Variants in PCNT observed in about 807,000 individuals in gnomAD.
PCNT encodes kendrin.
In PCNT, 319 loss-of-function variants were observed where a neutral mutation model predicts 380.4. The observed-to-expected ratio is 0.84, with a 90% CI of 0.77 to 0.92. The LOEUF is 0.92. PCNT is among the 40% of genes least tolerant of loss of function. PCNT has a pLI of 0.00. For synonymous variants in PCNT, 1,845 were observed against 1,735.2 expected (o/e 1.06, Z -1.57); for missense variants, 4,400 against 4,255.3 (o/e 1.03, Z -0.95).
intron 10 of PCNT, among the ~76,000 whole-genome samples, chr21:46,353,720 GTGT>G (rs2084363206): frequency 1.3e-5 from 1 of 77,726 alleles, no homozygotes; most frequent in South Asian, 4.5e-4. Flanking sequence ...CTCCAGGTGT[GTGT>G]GTGTGTGTGT....
chr21:46,424,721 C>A lies in PCNT; in HGVS notation c.7180-1110C>A, dbSNP rs189832883. 1.2e-3 allele frequency among the ~76,000 whole-genome samples: 176 copies of A among 146,640 alleles called. 4 individuals are homozygous for A. In the East Asian group the frequency reaches 0.03, roughly 25 times the overall value. ...CGGCCCTGCTCCCACTGCGCCCCCC[C>A]CAACCCTGCTCCCCCAGCCACGGCC... On this transcript the variant is annotated intron_variant, in intron 32 of 46. Transcript: ENST00000359568.
chr21:46,408,234 T>G (rs2086677328), intron 27 of PCNT, among the ~76,000 whole-genome samples: 1 of 152,224 alleles, frequency 6.6e-6, no homozygotes, highest in South Asian at 2.1e-4. Flanking sequence ...CTGTCGCCTG[T>G]GTCTGTTCCT....
intron 44 of PCNT, 21 bp from the exon 45 acceptor site, chr21:46,443,786 GGTT>G: frequency 6.2e-6 from 10 of 1,612,640 alleles, no homozygotes; most frequent in Non-Finnish European, 8.5e-6. Context: ...CTAATCCCTT[GGTT>G]GTTAAATAAT....
At chr21:46,384,274 G>A (rs568738986) in intron 16 of PCNT, among the ~76,000 whole-genome samples, 23 of 146,294 alleles carry the variant, frequency 1.6e-4, no homozygotes, top group Admixed American at 6.9e-4. Flanking sequence ...ATTCAGTGGC[G>A]GAAGCGCATT....
rs752300730 is a variant in PCNT, at chr21:46,346,727, CT to C, written c.721-12del. ...CTGACCATGGGCCCTTATCAGAGGC[CT>C]TTTCTCCGCCGCAGGCCGTGCATGG... On this transcript the variant is annotated splice_polypyrimidine_tract_variant and intron_variant, in intron 4 of 46. Transcript: ENST00000359568. The C allele has an allele frequency of 2.5e-6, 4 of 1,591,084 alleles. No individual in the cohort carries two copies. The highest frequency in any genetic ancestry group is 1.8e-5 in the Admixed American group (1 of 56,124).
chr21:46,401,785 GGC>G, intron 26 of PCNT, 64 bp downstream of exon 26: 1 of 1,496,194 alleles, frequency 6.7e-7, no homozygotes, highest in Non-Finnish European at 9.3e-7. Flanking sequence ...GCTTCTCTGT[GGC>G]AGATCCGATG....
intron 12 of PCNT, 55 bp from the exon 13 acceptor site, chr21:46,356,919 C>G: frequency 6.7e-7 from 1 of 1,489,046 alleles, no homozygotes; most frequent in Non-Finnish European, 9.4e-7. Context: ...GGACTGTGGG[C>G]TCCATCGAGG....
intron 37 of PCNT, 22 bp from the exon 38 acceptor site, chr21:46,431,507 A>T (rs981736850): frequency 6.2e-7 from 1 of 1,613,772 alleles, no homozygotes; most frequent in South Asian, 1.1e-5. Flanking sequence ...AGTGTCTCCC[A>T]TCGTATGTGT....
At chr21:46,375,966 G>A (rs1281535335) in intron 15 of PCNT, among the ~76,000 whole-genome samples, 1 of 152,224 alleles carries the variant, frequency 6.6e-6, no homozygotes, top group Non-Finnish European at 1.5e-5. Flanking sequence ...TGCACACATG[G>A]AGCTTCCAGC....
intron 15 of PCNT, among the ~76,000 whole-genome samples, chr21:46,370,090 G>A (rs1219523781): frequency 2.6e-5 from 4 of 152,294 alleles, no homozygotes; most frequent in Admixed American, 6.5e-5. Context: ...TCATCAGAGC[G>A]TTCAGGCACT....
rs2085451246 is a variant in PCNT at position 46,379,769 on chromosome 21, A to G, written c.3166-1925A>G. Among the ~76,000 whole-genome samples the G allele has an allele frequency of 2.0e-5, 3 of 152,100 alleles. No individual in the cohort carries two copies. The South Asian group carries it at 6.2e-4, about 32-fold the overall frequency. On this transcript the variant is annotated intron_variant, in intron 15 of 46. Transcript: ENST00000359568. ...TTCTGTGATTGTATTTTTCAGCTCC[A>G]GATGTCAAGGGAGCTCTATTTCAGT...
chr21:46,383,219 C>G (rs1445064722), intron 16 of PCNT, among the ~76,000 whole-genome samples: 1 of 147,410 alleles, frequency 6.8e-6, no homozygotes, highest in Non-Finnish European at 1.5e-5. Context: ...GTTGTATATT[C>G]AGTGGCGGAA....
chr21:46,371,229 T>C (rs916078811), intron 15 of PCNT, among the ~76,000 whole-genome samples: 11 of 150,594 alleles, frequency 7.3e-5, no homozygotes, highest in South Asian at 2.1e-4. Context: ...TTTTTTTTTT[T>C]TTTTAAAGAC....
intron 15 of PCNT, among the ~76,000 whole-genome samples, chr21:46,381,206 GT>G (rs2085525997): frequency 7.0e-5 from 3 of 42,950 alleles, no homozygotes; most frequent in African/African-American, 5.3e-4. Context: ...CTGTGTGTGT[GT>G]GTGTGTGTGT....
chr21:46,364,464 T>C (rs1172091593), intron 14 of PCNT, among the ~76,000 whole-genome samples: 1 of 152,250 alleles, frequency 6.6e-6, no homozygotes, highest in African/African-American at 2.4e-5. Context: ...TCATTGTCTC[T>C]GTTGTTCTTC....
In PCNT at chr21:46,324,314, C is replaced by G. The variant is rs114465946; in HGVS notation, c.54+32C>G. Reference sequence around the variant, plus strand: ...ATTAGGGGCTTCTTCTCTAGCTGCTCTGGCGTGAAGTCCTAAGGGCGGCTC... The same window carrying G: ...ATTAGGGGCTTCTTCTCTAGCTGCTGTGGCGTGAAGTCCTAAGGGCGGCTC... On this transcript the variant is annotated intron_variant, in intron 1 of 46. Transcript: ENST00000359568. The G allele has an allele frequency of 3.2e-6, 5 of 1,573,132 alleles. No individual in the cohort carries two copies. In the African/African-American group the frequency reaches 4.0e-5, roughly 13 times the overall value.
Position 46,397,994 on chromosome 21 carries a change from C to T in PCNT, c.4447-20C>T. 1 of 1,559,780 alleles carries T rather than the reference C, an allele frequency of 6.4e-7. No homozygotes were observed. Among genetic ancestry groups the T allele is most frequent in the South Asian group, 1.2e-5 (1 of 85,414 alleles). On this transcript the variant is annotated intron_variant, in intron 22 of 46. Transcript: ENST00000359568. Reference sequence around the variant, plus strand: ...GCCAGCCCCGTTGGGGTGGTCCCAACACGCTGCCTCTCCTCCCAGGAGCAG... The same window carrying T: ...GCCAGCCCCGTTGGGGTGGTCCCAATACGCTGCCTCTCCTCCCAGGAGCAG...
rs2085954327 is a variant in PCNT, at chr21:46,389,354, C to T, written c.3763C>T (p.Pro1255Ser). Residue 1255 changes from proline (P) to serine (S), a missense_variant, in exon 19 of 47, where the codon CCC becomes TCC. Pro to Ser is a moderately conservative substitution (Grantham distance 74). Transcript: ENST00000359568. ...SPESVRECEQ[P>S]IRRVFQSLSL... ...AGAAAGTGTGCGGGAGTGTGAGCAG[C>T]CCATCCGGAGGGTCTTCCAGAGCCT... 6.2e-7 allele frequency: 1 copy of T among 1,614,236 alleles called. No individual in the cohort carries two copies. The highest frequency in any genetic ancestry group is 8.5e-7 in the Non-Finnish European group (1 of 1,180,048).
At chr21:46,438,024 T>C in intron 40 of PCNT, 140 bp from the exon 41 acceptor site, 1 of 731,108 alleles carries the variant, frequency 1.4e-6, no homozygotes. Context: ...TTTTACAATT[T>C]TCTGCCAGCT....
Sources: gnomAD v4.1 joint callset for allele counts (sites outside exome capture counted in the v4.1 genomes callset) on GRCh38, gnomAD v4.1.1 for gene constraint, MANE v1.5 for transcripts, NCBI Gene and HGNC (gene_info 2026-07-23, HGNC 2026-07-21) for gene names.